Variants in FAT3 observed in about 807,000 individuals in gnomAD.
FAT3 encodes the protein protocadherin Fat 3.
In FAT3, 95 loss-of-function variants were observed where a neutral mutation model predicts 310.2. The ratio of observed to expected loss-of-function variants is 0.31; its 90% CI spans 0.26 to 0.36. The LOEUF is 0.36. FAT3 is among the 10% of genes least tolerant of loss of function. The pLI, the probability that FAT3 is intolerant of heterozygous loss-of-function variation, is 1.00. For synonymous variants in FAT3, 2,314 were observed against 2,192.9 expected (o/e 1.06, Z -1.54); for missense variants, 5,408 against 5,715.6 (o/e 0.95, Z 1.74).
At chr11:92,463,301 A>G (rs1406041857) in intron 2 of FAT3, among the ~76,000 whole-genome samples, 1 of 152,212 alleles carries the variant, frequency 6.6e-6, no homozygotes, top group Non-Finnish European at 1.5e-5. Context: ...TTAGCAAATT[A>G]TTGAATCGTT....
intron 24 of FAT3, among the ~76,000 whole-genome samples, chr11:92,885,500 C>G (rs926153997): frequency 6.6e-6 from 1 of 152,134 alleles, no homozygotes; most frequent in Non-Finnish European, 1.5e-5. Context: ...TGAATTCTTT[C>G]TATTCTAGTG....
chr11:92,708,919 G>C (rs1441919845), intron 4 of FAT3, among the ~76,000 whole-genome samples: 1 of 152,150 alleles, frequency 6.6e-6, no homozygotes, highest in Non-Finnish European at 1.5e-5. Context: ...GTCAACCGTG[G>C]GTCTGGCATG....
At chr11:92,412,750 T>TACACAC (rs1565296542) in intron 2 of FAT3, among the ~76,000 whole-genome samples, 1 of 66,966 alleles carries the variant, frequency 1.5e-5, no homozygotes, top group Non-Finnish European at 2.8e-5. Flanking sequence ...TATATAAATA[T>TACACAC]ACATACATAT....
intron 6 of FAT3, among the ~76,000 whole-genome samples, chr11:92,772,639 A>T (rs924805129): frequency 5.9e-5 from 9 of 152,098 alleles, no homozygotes; most frequent in Non-Finnish European, 2.9e-5. Flanking sequence ...AAAAGTATAT[A>T]ATCTCCAAGC....
At chr11:92,554,379 G>A (rs1328203024) in intron 3 of FAT3, among the ~76,000 whole-genome samples, 10 of 147,584 alleles carry the variant, frequency 6.8e-5, no homozygotes, top group Admixed American at 2.7e-4. Flanking sequence ...GGAGAATGGC[G>A]TGAACCTGGG....
chr11:92,512,921 G>A lies in FAT3; in HGVS notation c.3293-11713G>A, dbSNP rs1953349579. Among the ~76,000 whole-genome samples the A allele has an allele frequency of 2.0e-5, 2 of 99,604 alleles. 1 individual carries two copies. The highest frequency in any genetic ancestry group is 8.9e-5 in the African/African-American group (2 of 22,394). The allele number at this position is 99,604 out of a possible 152,430, so 65.3% of individuals were successfully genotyped here. On this transcript the variant is annotated intron_variant, in intron 2 of 27. Coordinates refer to ENST00000525166, the MANE Select transcript of FAT3 (RefSeq NM_001367949.2). ...GCGGATCACGAGGTCAGGAGATCGA[G>A]ACCATCCTGGCTAACACGGTGAAAC... is the stretch of plus-strand genomic sequence containing the variant.
intron 2 of FAT3, among the ~76,000 whole-genome samples, chr11:92,458,587 CAG>C (rs5793600): frequency 0.71 from 107,741 of 151,896 alleles, 40,457 homozygotes; most frequent in East Asian, 0.87. Context: ...CAGCCACCAG[CAG>C]AGTGACCTTT....
At chr11:92,839,095 C>T (rs1948474691) in intron 17 of FAT3, among the ~76,000 whole-genome samples, 2 of 152,180 alleles carry the variant, frequency 1.3e-5, no homozygotes, top group Admixed American at 6.5e-5. Context: ...TTGCTAACCC[C>T]AAAACAAAGT....
chr11:92,567,018 A>C (rs1162830373), intron 3 of FAT3, among the ~76,000 whole-genome samples: 4 of 152,180 alleles, frequency 2.6e-5, no homozygotes, highest in African/African-American at 9.7e-5. Flanking sequence ...AATGGCAACA[A>C]AAGCCAAAAT....
intron 24 of FAT3, among the ~76,000 whole-genome samples, chr11:92,885,304 A>T (rs1272206660): frequency 6.6e-6 from 1 of 152,190 alleles, no homozygotes; most frequent in Non-Finnish European, 1.5e-5. Context: ...CCAGGCCATC[A>T]TTCCACGGAG....
chr11:92,416,272 T>C (rs1331597416), intron 2 of FAT3, among the ~76,000 whole-genome samples: 1 of 148,122 alleles, frequency 6.8e-6, no homozygotes, highest in African/African-American at 2.5e-5. Context: ...TAACCCCAGC[T>C]ACTCGGGAGG....
intron 2 of FAT3, among the ~76,000 whole-genome samples, chr11:92,443,330 A>G (rs1347108500): frequency 6.6e-6 from 1 of 152,206 alleles, no homozygotes; most frequent in Non-Finnish European, 1.5e-5. Context: ...CGCACACTGT[A>G]CTGTATTGTC....
At chr11:92,333,357 A>G (rs573751450) in intron 1 of FAT3, among the ~76,000 whole-genome samples, 1 of 152,304 alleles carries the variant, frequency 6.6e-6, no homozygotes, top group Non-Finnish European at 1.5e-5. Context: ...CTTAAGTCAT[A>G]TTAGTAATTT....
chr11:92,661,151 CT>C (rs1942766879), intron 3 of FAT3, among the ~76,000 whole-genome samples: 1 of 152,096 alleles, frequency 6.6e-6, no homozygotes, highest in South Asian at 2.1e-4. Context: ...GCCAGTAGAG[CT>C]GGGAGGCAAG....
At chr11:92,544,390 A>G (rs1954551519) in intron 3 of FAT3, among the ~76,000 whole-genome samples, 1 of 152,216 alleles carries the variant, frequency 6.6e-6, no homozygotes, top group South Asian at 2.1e-4. Flanking sequence ...GTATAAAGAA[A>G]AGACAAATAT....
rs1424851518 is a variant in FAT3, at chr11:92,880,899, A to G, written c.12281+15A>G. On this transcript the variant is annotated intron_variant, in intron 23 of 27. Coordinates refer to ENST00000525166, the MANE Select transcript of FAT3 (RefSeq NM_001367949.2). ...ACTGGAGTCACGTAAGTGAGATTAC[A>G]TAAGTGTCTTTCTCTACACTGTTCT... is the stretch of plus-strand genomic sequence containing the variant. The G allele has an allele frequency of 5.6e-6, 9 of 1,611,814 alleles. No individual in the cohort carries two copies. The highest frequency in any genetic ancestry group is 1.1e-5 in the South Asian group (1 of 90,678).
At chr11:92,787,191 TAAATG>T (rs1448056188) in intron 7 of FAT3, among the ~76,000 whole-genome samples, 2 of 152,096 alleles carry the variant, frequency 1.3e-5, no homozygotes, top group African/African-American at 4.8e-5. Context: ...ACTGTAATGT[TAAATG>T]AAACAGCATG....
At chr11:92,761,270 G>A (rs369905895) in intron 4 of FAT3, among the ~76,000 whole-genome samples, 2 of 152,296 alleles carry the variant, frequency 1.3e-5, no homozygotes, top group South Asian at 2.1e-4. Flanking sequence ...CTCATATGGT[G>A]GAAGGGAAAA....
intron 18 of FAT3, among the ~76,000 whole-genome samples, chr11:92,843,044 A>G (rs950076192): frequency 1.3e-5 from 2 of 152,164 alleles, no homozygotes; most frequent in Admixed American, 1.3e-4. Context: ...TTTTACTCAT[A>G]TTAAAAATAC....
Sources: allele counts gnomAD v4.1 joint callset (sites outside exome capture counted in the v4.1 genomes callset), GRCh38; gene constraint gnomAD v4.1.1; transcripts MANE v1.5; gene names NCBI Gene and HGNC (gene_info 2026-07-23, HGNC 2026-07-21).